The following PTPN3 variants were observed in gnomAD, a reference collection of about 807,000 sequenced individuals.
The protein encoded by PTPN3 is protein tyrosine phosphatase non-receptor type 3.
Under a neutral mutation model 132.7 loss-of-function variants are expected in PTPN3, and 96 were observed. The ratio of observed to expected loss-of-function variants is 0.72; its 90% CI spans 0.61 to 0.86. PTPN3 has a LOEUF of 0.86. PTPN3 is among the 40% of genes least tolerant of loss of function. PTPN3 has a pLI of 0.00. For synonymous variants in PTPN3, 398 were observed against 429.0 expected (o/e 0.93, Z 0.89); for missense variants, 1,125 against 1,159.6 (o/e 0.97, Z 0.43).
At chr9:109,520,949 G>A in the PTPN3 span, among the ~76,000 whole-genome samples, 2 of 152,084 alleles carry the variant, frequency 1.3e-5, no homozygotes, top group Admixed American at 6.6e-5. Flanking sequence ...TTATCACATT[G>A]TATGGGAATT....
At chr9:109,473,805 C>T (rs1182130874) in intron 1 of PTPN3, among the ~76,000 whole-genome samples, 2 of 152,154 alleles carry the variant, frequency 1.3e-5, no homozygotes, top group Non-Finnish European at 2.9e-5. Flanking sequence ...CCAGCAGGAG[C>T]CCCTCATGTC....
At chr9:109,517,384 A>G in the PTPN3 span, among the ~76,000 whole-genome samples, 3 of 152,294 alleles carry the variant, frequency 2.0e-5, no homozygotes, top group South Asian at 4.2e-4. Flanking sequence ...CCTGGAGGTG[A>G]TGCTATAAGT....
chr9:109,444,278 G>A (rs1175916645), intron 7 of PTPN3, among the ~76,000 whole-genome samples: 2 of 152,180 alleles, frequency 1.3e-5, no homozygotes, highest in Non-Finnish European at 2.9e-5. Flanking sequence ...ACTATAAAGT[G>A]ACATTTTGCT....
chr9:109,399,279 A>G (rs1840861503), intron 19 of PTPN3, among the ~76,000 whole-genome samples: 1 of 152,218 alleles, frequency 6.6e-6, no homozygotes, highest in South Asian at 2.1e-4. Flanking sequence ...GTCCCGCCTC[A>G]GCCTCCCAAA....
the PTPN3 span, among the ~76,000 whole-genome samples, chr9:109,513,836 A>G: frequency 6.6e-6 from 1 of 152,144 alleles, no homozygotes; most frequent in Admixed American, 6.6e-5. Context: ...CAGGTTTGGA[A>G]GAGTTTGAAT....
At chr9:109,396,657 A>T (rs1422770565) in intron 19 of PTPN3, among the ~76,000 whole-genome samples, 1 of 152,232 alleles carries the variant, frequency 6.6e-6, no homozygotes, top group African/African-American at 2.4e-5. Context: ...ACGGTAAATT[A>T]TAAAAAGTTC....
chr9:109,492,224 C>G (rs1242673741), intron 1 of PTPN3, among the ~76,000 whole-genome samples: 2 of 152,160 alleles, frequency 1.3e-5, no homozygotes, highest in Admixed American at 1.3e-4. Context: ...CCTCCCTCAC[C>G]GAGAACCTCT....
At chr9:109,442,308 A>G (rs1396528942) in intron 7 of PTPN3, among the ~76,000 whole-genome samples, 1 of 152,184 alleles carries the variant, frequency 6.6e-6, no homozygotes, top group Non-Finnish European at 1.5e-5. Context: ...TCAGCCTCCC[A>G]AAGCGCTGAG....
At chr9:109,387,131 T>C (rs980240266) in intron 22 of PTPN3, among the ~76,000 whole-genome samples, 1 of 152,156 alleles carries the variant, frequency 6.6e-6, no homozygotes. Flanking sequence ...TGCAGGTGCA[T>C]GGCTGACAGC....
At chr9:109,467,066 C>T (rs1043059907) in intron 1 of PTPN3, among the ~76,000 whole-genome samples, 4 of 151,984 alleles carry the variant, frequency 2.6e-5, no homozygotes, top group African/African-American at 7.2e-5. Context: ...CTTATTCAGT[C>T]GCTTATAAAA....
At chr9:109,404,941 ATTC>A (rs1345551334) in intron 18 of PTPN3, among the ~76,000 whole-genome samples, 4 of 152,200 alleles carry the variant, frequency 2.6e-5, no homozygotes, top group African/African-American at 9.7e-5. Context: ...TGACCGGGTT[ATTC>A]TTCTACCCAT....
At chr9:109,468,098 C>T (rs1471736157) in intron 1 of PTPN3, among the ~76,000 whole-genome samples, 3 of 152,162 alleles carry the variant, frequency 2.0e-5, no homozygotes, top group African/African-American at 7.2e-5. Context: ...TGGATGCTGA[C>T]TAACTGCCCT....
rs1280371837 is a variant in PTPN3 at position 109,376,477 on chromosome 9, CA to C, written c.*3078del. 1 of 152,134 alleles carries C rather than the reference CA, an allele frequency of 6.6e-6. No individual in the cohort carries two copies. Among genetic ancestry groups the C allele is most frequent in the Non-Finnish European group, 1.5e-5 (1 of 68,038 alleles). The allele number at this position is 152,134 out of a possible 1,614,324, so 9.4% of individuals were successfully genotyped here. On this transcript the variant is annotated 3_prime_UTR_variant, in exon 26 of 26. Transcript: ENST00000374541. ...GGAAACGAAAGACAACTGTGTGATC[CA>C]ACCACTGCCCCCTAACCAAAGTTGC...
chr9:109,510,822 G>A, the PTPN3 span, among the ~76,000 whole-genome samples: 5 of 151,330 alleles, frequency 3.3e-5, no homozygotes, highest in Admixed American at 2.6e-4. Flanking sequence ...CTGTATTGCT[G>A]GCCTAATTCT....
chr9:109,391,258 A>T, intron 20 of PTPN3, 59 bp from the exon 21 acceptor site: 1 of 1,520,572 alleles, frequency 6.6e-7, no homozygotes, highest in Non-Finnish European at 9.0e-7. Flanking sequence ...CATACCAAGT[A>T]AACCAGAGTT....
Position 109,422,781 on chromosome 9 carries a change from A to C in PTPN3, c.1073T>G (p.Leu358Ter). 1 of 1,611,244 alleles carries C rather than the reference A, an allele frequency of 6.2e-7. No homozygotes were observed. The highest frequency in any genetic ancestry group is 1.7e-4 in the Middle Eastern group (1 of 6,056). Residue 358 changes from leucine to a stop codon, truncating the protein, a stop_gained, in exon 13 of 26, where the codon TTA becomes TGA. Coordinates refer to ENST00000374541, the MANE Select transcript of PTPN3 (RefSeq NM_002829.4). LOFTEE classifies it high-confidence loss of function. ...MVWNPAMRRS[L>*]SVEHLETKSL... is the part of the protein sequence containing the mutation. ...CTTGGTTTCTAAGTGCTCCACTGATAAGGATCTCCGCATGGCTGGGTTCCA... is the reference window on the plus strand; with the variant it reads ...CTTGGTTTCTAAGTGCTCCACTGATCAGGATCTCCGCATGGCTGGGTTCCA...
Position 109,377,277 on chromosome 9 carries a change from T to A in PTPN3, c.*2279A>T, listed in dbSNP as rs919564174. ...TATTTTCCTCTCATAAAAACCCAGT[T>A]AGGCTGGGCACAGTGGCTCACGCCT... is the stretch of plus-strand genomic sequence containing the variant. On this transcript the variant is annotated 3_prime_UTR_variant, in exon 26 of 26. Coordinates refer to ENST00000374541, the MANE Select transcript of PTPN3 (RefSeq NM_002829.4). 3.3e-5 allele frequency: 5 copies of A among 152,174 alleles called. No homozygotes were observed. The highest frequency in any genetic ancestry group is 4.8e-5 in the African/African-American group (2 of 41,428). The allele number at this position is 152,174 out of a possible 1,614,324, so 9.4% of individuals were successfully genotyped here. A position where few individuals can be genotyped will look rare whatever the true frequency, so the allele number is the denominator to read the frequency against.
At position 109,422,990 on chromosome 9, in the gene PTPN3, G is replaced by C. The variant is rs150552679; in HGVS notation, c.1002-138C>G. On this transcript the variant is annotated intron_variant, in intron 12 of 25. Transcript: ENST00000374541. ...GCCAAGGTTATGGGGAGTAGAGGGAGACAGCTCAAAAGCGATTCCTGTCTG... is the reference window on the plus strand; with the variant it reads ...GCCAAGGTTATGGGGAGTAGAGGGACACAGCTCAAAAGCGATTCCTGTCTG... 1,065 of 1,085,332 alleles carry C rather than the reference G, an allele frequency of 9.8e-4. 11 individuals are homozygous for C. The African/African-American group carries it at 0.015, about 16-fold the overall frequency. 67.2% of individuals were successfully genotyped at this position (1,085,332 alleles called of 1,614,324 possible). A position where few individuals can be genotyped will look rare whatever the true frequency, so the allele number is the denominator to read the frequency against.
chr9:109,463,223 T>C, intron 2 of PTPN3, 74 bp downstream of exon 2: 1 of 1,364,900 alleles, frequency 7.3e-7, no homozygotes, highest in African/African-American at 1.5e-5. Context: ...CTTCATTTTG[T>C]GAGCCAAGAG....
Sources: gnomAD v4.1 joint callset for allele counts (sites outside exome capture counted in the v4.1 genomes callset) on GRCh38, gnomAD v4.1.1 for gene constraint, MANE v1.5 for transcripts, NCBI Gene and HGNC (gene_info 2026-07-23, HGNC 2026-07-21) for gene names.